ADK: variants seen among roughly 807,000 people sequenced by gnomAD.
The protein encoded by ADK is N6,N6-dimethyladenosine kinase.
ADK carries 24 observed loss-of-function variants against 44.7 expected under a neutral mutation model. The observed-to-expected ratio is 0.54, with a 90% confidence interval of 0.39 to 0.76. The LOEUF (loss-of-function observed/expected upper bound fraction) is 0.76. Among genes scored for constraint, ADK ranks in the 30% least tolerant of loss-of-function variants. ADK has a pLI of 0.00. For synonymous variants in ADK, 128 were observed against 142.6 expected (o/e 0.90, Z 0.73); for missense variants, 321 against 425.1 (o/e 0.76, Z 2.15).
At chr10:74,658,899 T>C (rs529012864) in intron 9 of ADK, among the ~76,000 whole-genome samples, 16 of 151,210 alleles carry the variant, frequency 1.1e-4, no homozygotes, top group South Asian at 1.0e-3. Context: ...CACACACACA[T>C]ATATACACGT....
chr10:74,513,659 G>A (rs928608352), intron 6 of ADK, among the ~76,000 whole-genome samples: 1 of 151,946 alleles, frequency 6.6e-6, no homozygotes, highest in South Asian at 2.1e-4. Context: ...CATATAATTG[G>A]GTCTTGTTTT....
At chr10:74,372,758 T>A (rs1016194253) in intron 4 of ADK, among the ~76,000 whole-genome samples, 2 of 152,218 alleles carry the variant, frequency 1.3e-5, no homozygotes, top group Non-Finnish European at 2.9e-5. Context: ...TTAATATTTT[T>A]AGGATGGCAG....
intron 6 of ADK, among the ~76,000 whole-genome samples, chr10:74,491,356 C>T (rs933985412): frequency 6.6e-6 from 1 of 152,174 alleles, no homozygotes. Flanking sequence ...AATCCTCCTG[C>T]GTCAGCCTCT....
At chr10:74,366,002 C>T (rs1680446031) in intron 4 of ADK, among the ~76,000 whole-genome samples, 2 of 152,006 alleles carry the variant, frequency 1.3e-5, no homozygotes, top group South Asian at 4.2e-4. Flanking sequence ...TGCCTGTTGC[C>T]CATGCATACA....
chr10:74,241,370 G>C (rs553373130), intron 3 of ADK, among the ~76,000 whole-genome samples: 106 of 152,190 alleles, frequency 7.0e-4, no homozygotes, highest in African/African-American at 2.4e-3. Flanking sequence ...AACCAATATT[G>C]ACACATCCAA....
intron 7 of ADK, among the ~76,000 whole-genome samples, chr10:74,569,948 G>T (rs1589257401): frequency 6.6e-6 from 1 of 152,088 alleles, no homozygotes; most frequent in Admixed American, 6.5e-5. Flanking sequence ...ATTAATTTTT[G>T]TATAAGGTGT....
At chr10:74,265,886 G>A (rs1846195271) in intron 3 of ADK, among the ~76,000 whole-genome samples, 1 of 152,000 alleles carries the variant, frequency 6.6e-6, no homozygotes, top group Non-Finnish European at 1.5e-5. Flanking sequence ...GGGGATCTAG[G>A]GCATGTGAGT....
intron 3 of ADK, among the ~76,000 whole-genome samples, chr10:74,258,788 A>G (rs1291461892): frequency 6.6e-6 from 1 of 152,154 alleles, no homozygotes; most frequent in Non-Finnish European, 1.5e-5. Flanking sequence ...TAATATCTTT[A>G]GATGTTAATA....
rs148256976 is a variant in ADK, at chr10:74,345,047, C to T, written c.273+30302C>T. Among the ~76,000 whole-genome samples, 542 of 152,330 alleles carry T rather than the reference C, an allele frequency of 3.6e-3. 3 individuals are homozygous for T. Among genetic ancestry groups the T allele is most frequent in the African/African-American group, 0.011 (470 of 41,578 alleles). On this transcript the variant is annotated intron_variant, in intron 4 of 10. Coordinates refer to ENST00000539909, the MANE Select transcript of ADK (RefSeq NM_006721.4). Reference sequence around the variant, plus strand: ...CCGCTTTATCTAATTCTTCTTTAAACGTTCATTAGAATTCAATAGTGAAGC... The same window carrying T: ...CCGCTTTATCTAATTCTTCTTTAAATGTTCATTAGAATTCAATAGTGAAGC...
intron 7 of ADK, among the ~76,000 whole-genome samples, chr10:74,561,374 T>G (rs1850451324): frequency 6.6e-6 from 1 of 152,146 alleles, no homozygotes; most frequent in Admixed American, 6.5e-5. Flanking sequence ...GTTCATTTGT[T>G]TTGGATAGGG....
chr10:74,499,682 C>T (rs2133441929), intron 6 of ADK, among the ~76,000 whole-genome samples: 1 of 150,800 alleles, frequency 6.6e-6, no homozygotes, highest in Non-Finnish European at 1.5e-5. Context: ...AGCGAGACTC[C>T]ATCTCAAAAA....
At chr10:74,212,067 C>T (rs551144704) in intron 2 of ADK, among the ~76,000 whole-genome samples, 1 of 152,254 alleles carries the variant, frequency 6.6e-6, no homozygotes, top group African/African-American at 2.4e-5. Context: ...TTGAAATAAA[C>T]TGCTATTTGA....
chr10:74,602,105 CAAAAAA>C lies in ADK; in HGVS notation c.877+1631_877+1636del, dbSNP rs58400071. ...GGATGACAGACCAAGACCCTGTCTCCAAAAAAAAAAAAAAAAAAAAAAAAGAACGGA... is the reference window on the plus strand; with the variant it reads ...GGATGACAGACCAAGACCCTGTCTCCAAAAAAAAAAAAAAAAAAGAACGGA... On this transcript the variant is annotated intron_variant, in intron 9 of 10. Coordinates refer to ENST00000539909, the MANE Select transcript of ADK (RefSeq NM_006721.4). Among the ~76,000 whole-genome samples, 128 of 48,790 alleles carry C rather than the reference CAAAAAA, an allele frequency of 2.6e-3. 1 individual carries two copies. Among genetic ancestry groups the C allele is most frequent in the African/African-American group, 9.7e-3 (112 of 11,592 alleles). The allele number at this position is 48,790 out of a possible 152,430, so 32.0% of individuals were successfully genotyped here.
intron 6 of ADK, among the ~76,000 whole-genome samples, chr10:74,418,885 A>T (rs1001037737): frequency 5.3e-5 from 8 of 152,214 alleles, no homozygotes; most frequent in Admixed American, 1.3e-4. Flanking sequence ...GATGGATTTG[A>T]TAGAGTAAAA....
intron 1 of ADK, among the ~76,000 whole-genome samples, chr10:74,152,493 C>T (rs1841627576): frequency 6.6e-6 from 1 of 152,198 alleles, no homozygotes; most frequent in South Asian, 2.1e-4. Context: ...TGTGCTTTCC[C>T]TACTCTGCCC....
In ADK at chr10:74,598,441, C is replaced by CTTT. The variant is rs915433699; in HGVS notation, c.763-1913_763-1911dup. On this transcript the variant is annotated intron_variant, in intron 8 of 10. Transcript: ENST00000539909. Reference sequence around the variant, plus strand: ...AGAAAGCAACCATGGAATCTTATTCCTTTTTTTTTTTTTTTTTTTTTTTTT... The same window carrying CTTT: ...AGAAAGCAACCATGGAATCTTATTCCTTTTTTTTTTTTTTTTTTTTTTTTTTTT... Among the ~76,000 whole-genome samples the CTTT allele has an allele frequency of 2.5e-4, 28 of 111,762 alleles. 1 individual carries two copies. Among genetic ancestry groups the CTTT allele is most frequent in the Admixed American group, 5.4e-4 (6 of 11,166 alleles). 73.3% of individuals were successfully genotyped at this position (111,762 alleles called of 152,430 possible).
intron 3 of ADK, among the ~76,000 whole-genome samples, chr10:74,239,331 C>A (rs567571155): frequency 6.6e-6 from 1 of 151,976 alleles, no homozygotes; most frequent in South Asian, 2.1e-4. Flanking sequence ...ATTAGATCTC[C>A]GTTAGATGAA....
intron 10 of ADK, among the ~76,000 whole-genome samples, chr10:74,670,966 C>G (rs767315556): frequency 6.6e-6 from 1 of 150,432 alleles, no homozygotes; most frequent in Non-Finnish European, 1.5e-5. Flanking sequence ...TTCGCTTCCT[C>G]ACAGATACCC....
At chr10:74,501,620 C>G (rs1473090132) in intron 6 of ADK, among the ~76,000 whole-genome samples, 1 of 152,018 alleles carries the variant, frequency 6.6e-6, no homozygotes, top group African/African-American at 2.4e-5. Flanking sequence ...CAAATGTCCA[C>G]AAGCAGGAAG....
Sources: allele counts gnomAD v4.1 joint callset (sites outside exome capture counted in the v4.1 genomes callset), GRCh38; gene constraint gnomAD v4.1.1; transcripts MANE v1.5; gene names NCBI Gene and HGNC (gene_info 2026-07-23, HGNC 2026-07-21).